Variants in CD207 observed in about 807,000 individuals in gnomAD.
CD207 encodes CD207 molecule, also known as C-type lectin domain family 4 member K.
CD207 carries 28 observed loss-of-function variants against 31.6 expected under a neutral mutation model. The ratio of observed to expected loss-of-function variants is 0.89; its 90% CI spans 0.66 to 1.21. The LOEUF (loss-of-function observed/expected upper bound fraction) is 1.21, where lower values mean the gene tolerates loss of function less well. Ranked by LOEUF, CD207 falls within the 50% of genes most tolerant of loss-of-function variation. The probability of loss-of-function intolerance (pLI) is 0.00; values close to 1 mark genes in which losing one functional copy is unlikely to be tolerated. For missense variants in CD207, 388 were observed against 397.8 expected (o/e 0.98, Z 0.21); for synonymous variants, 168 against 153.9 (o/e 1.09, Z -0.68).
At chr2:70,829,909 A>T (rs1677426705), downstream of CD207, among the ~76,000 whole-genome samples, 1 of 152,138 alleles carries the variant, frequency 6.6e-6, no homozygotes. Flanking sequence ...CTCTGTGAAG[A>T]GTGGGGAACC....
chr2:70,826,070 C>T (rs570961106), downstream of CD207, among the ~76,000 whole-genome samples: 1 of 152,070 alleles, frequency 6.6e-6, no homozygotes, highest in Non-Finnish European at 1.5e-5. Context: ...ATTGGTTAAA[C>T]CCAGGAGTTC....
the CD207 span, among the ~76,000 whole-genome samples, chr2:70,824,328 C>T: frequency 3.3e-5 from 5 of 151,910 alleles, no homozygotes; most frequent in Admixed American, 1.3e-4. Context: ...GTTCTCCCTG[C>T]CTCTCCTCTT....
intron 4 of CD207, among the ~76,000 whole-genome samples, chr2:70,832,486 G>C (rs1193955886): frequency 6.6e-6 from 1 of 152,218 alleles, no homozygotes; most frequent in African/African-American, 2.4e-5. Context: ...CACATGGAAA[G>C]TAGATCCTCT....
At chr2:70,824,622 CAAAAAAAA>C in the CD207 span, among the ~76,000 whole-genome samples, 2 of 38,768 alleles carry the variant, frequency 5.2e-5, no homozygotes, top group Non-Finnish European at 9.0e-5. Flanking sequence ...GCTTAGTTAC[CAAAAAAAA>C]AAAAAAAAAA....
In CD207 at chr2:70,833,043, G is replaced by A; in HGVS notation, c.574C>T (p.Leu192=). 1 of 1,613,856 alleles carries A rather than the reference G, an allele frequency of 6.2e-7. No homozygotes were observed. The highest frequency in any genetic ancestry group is 1.1e-5 in the South Asian group (1 of 91,076). ...SKLLKRQNDI[L]QVVSQGWKYF... ...TTCCAGCCTTGAGAAACCACCTGTA[G>A]AATATCATCTAGAGAACAAGAGGTA... The change falls in exon 4 of 6, where the codon CTA becomes TTA. Residue 192 remains leucine, a synonymous_variant. Transcript: ENST00000410009.
chr2:70,835,476 A>C lies in CD207; in HGVS notation c.190+15T>G, dbSNP rs1427868368. On this transcript the variant is annotated intron_variant, in intron 2 of 5. Coordinates refer to ENST00000410009, the MANE Select transcript of CD207 (RefSeq NM_015717.5). ...GAGAGGGGCTAAGCCCAGACGATGA[A>C]ACATGAGGACTTACAAAGGACGGCC... 1 of 1,590,026 alleles carries C rather than the reference A, an allele frequency of 6.3e-7. No individual in the cohort carries two copies. Among genetic ancestry groups the C allele is most frequent in the Non-Finnish European group, 8.6e-7 (1 of 1,159,168 alleles).
At chr2:70,834,866 C>G (rs1163475868) in intron 2 of CD207, among the ~76,000 whole-genome samples, 1 of 152,184 alleles carries the variant, frequency 6.6e-6, no homozygotes, top group African/African-American at 2.4e-5. Flanking sequence ...GAAGGCTCTG[C>G]CAGCAGCAAA....
At chr2:70,835,102 G>A (rs76050154) in intron 2 of CD207, among the ~76,000 whole-genome samples, 3,688 of 152,272 alleles carry the variant, frequency 0.024, 131 homozygotes, top group African/African-American at 0.083. Flanking sequence ...GTCCTTCACA[G>A]GGTCAGGAGA....
chr2:70,825,263 T>G (rs1677317677), downstream of CD207, among the ~76,000 whole-genome samples: 1 of 152,164 alleles, frequency 6.6e-6, no homozygotes, highest in Non-Finnish European at 1.5e-5. Flanking sequence ...TGAGAAAATG[T>G]CACAGCCAAG....
downstream of CD207, among the ~76,000 whole-genome samples, chr2:70,827,424 G>A (rs1380589771): frequency 1.3e-5 from 2 of 152,198 alleles, no homozygotes; most frequent in African/African-American, 2.4e-5. Context: ...AGAGAAAGGA[G>A]GGCCTGAAAT....
chr2:70,824,471 GC>G, the CD207 span, among the ~76,000 whole-genome samples: 1 of 151,786 alleles, frequency 6.6e-6, no homozygotes, highest in Non-Finnish European at 1.5e-5. Context: ...CAGCCACACA[GC>G]CCCCAGGTTT....
At chr2:70,825,460 G>A (rs547979546), downstream of CD207, among the ~76,000 whole-genome samples, 8 of 152,286 alleles carry the variant, frequency 5.3e-5, no homozygotes, top group African/African-American at 1.9e-4. Context: ...GGGGAAATGG[G>A]AAAGGGTGGG....
downstream of CD207, among the ~76,000 whole-genome samples, chr2:70,825,789 G>A (rs1341834370): frequency 1.3e-5 from 2 of 151,968 alleles, no homozygotes; most frequent in African/African-American, 4.8e-5. Context: ...GATTCTCCTT[G>A]AGTTCTGTGC....
chr2:70,830,712 T>C lies in CD207; in HGVS notation c.*338A>G, dbSNP rs1369467014. 3.0e-5 allele frequency: 6 copies of C among 196,902 alleles called. No homozygotes were observed. The highest frequency in any genetic ancestry group is 5.1e-5 in the Non-Finnish European group (5 of 97,202). 12.2% of individuals were successfully genotyped at this position (196,902 alleles called of 1,614,324 possible). On this transcript the variant is annotated 3_prime_UTR_variant, in exon 6 of 6. Transcript: ENST00000410009. The stretch of plus-strand genomic sequence containing the variant: ...CTTGGTTGCTCTGGAGTAACTTTGA[T>C]GTGATGAAGCTGAGGTTTCTCTGAA...
chr2:70,824,316 C>T, the CD207 span, among the ~76,000 whole-genome samples: 1 of 150,290 alleles, frequency 6.7e-6, no homozygotes, highest in African/African-American at 2.4e-5. Flanking sequence ...CGTCTCCTAA[C>T]TGTTCTCCCT....
At chr2:70,830,036 A>G (rs1677430395), downstream of CD207, among the ~76,000 whole-genome samples, 1 of 152,172 alleles carries the variant, frequency 6.6e-6, no homozygotes. Context: ...TAAAAACTAG[A>G]GATAAGTACT....
chr2:70,832,431 T>C (rs113258402), intron 4 of CD207, among the ~76,000 whole-genome samples: 2,112 of 152,352 alleles, frequency 0.014, 51 homozygotes, highest in African/African-American at 0.045. Context: ...TCTTGAGTCA[T>C]GTGGAATCAT....
chr2:70,828,191 G>A (rs1470137934), downstream of CD207, among the ~76,000 whole-genome samples: 2 of 152,222 alleles, frequency 1.3e-5, no homozygotes, highest in African/African-American at 4.8e-5. Context: ...CCCAAGACCT[G>A]CTAGAGACAG....
At chr2:70,825,613 A>C (rs914324792), downstream of CD207, among the ~76,000 whole-genome samples, 1 of 152,064 alleles carries the variant, frequency 6.6e-6, no homozygotes, top group African/African-American at 2.4e-5. Context: ...ATTACAGCTC[A>C]CTGCAGCCTT....
Sources: allele counts gnomAD v4.1 joint callset (sites outside exome capture counted in the v4.1 genomes callset), GRCh38; gene constraint gnomAD v4.1.1; transcripts MANE v1.5; gene names NCBI Gene and HGNC (gene_info 2026-07-23, HGNC 2026-07-21).